The following PLEKHM3 variants were observed in gnomAD, a reference collection of about 807,000 sequenced individuals.
PLEKHM3 encodes the protein pleckstrin homology domain containing M3.
PLEKHM3 carries 45 observed loss-of-function variants against 81.8 expected under a neutral mutation model. The observed-to-expected ratio is 0.55, with a 90% confidence interval of 0.43 to 0.71. The LOEUF (loss-of-function observed/expected upper bound fraction) is 0.71, where lower values mean the gene tolerates loss of function less well. Ranked by LOEUF, PLEKHM3 falls within the 30% of genes least tolerant of loss-of-function variation. The pLI is 0.00. For missense variants in PLEKHM3, 788 were observed against 924.3 expected, an observed-to-expected ratio of 0.85 and a Z score of 1.91; for synonymous variants, 352 against 356.4, an observed-to-expected ratio of 0.99 and a Z score of 0.14.
intron 1 of PLEKHM3, among the ~76,000 whole-genome samples, chr2:208,002,531 T>C (rs1692345486): frequency 6.6e-6 from 1 of 152,170 alleles, no homozygotes; most frequent in Non-Finnish European, 1.5e-5. Flanking sequence ...TCTTACGGTT[T>C]CAGGCTCCAA....
At chr2:207,986,373 A>G (rs1354933929) in intron 2 of PLEKHM3, among the ~76,000 whole-genome samples, 2 of 152,208 alleles carry the variant, frequency 1.3e-5, no homozygotes, top group African/African-American at 4.8e-5. Context: ...TAGCAGATCT[A>G]TGACATTTCT....
At chr2:208,005,610 G>C (rs955943540) in intron 1 of PLEKHM3, among the ~76,000 whole-genome samples, 2 of 152,102 alleles carry the variant, frequency 1.3e-5, no homozygotes, top group Admixed American at 1.3e-4. Context: ...ACTTACTACT[G>C]TTCATGTTAA....
intron 1 of PLEKHM3, among the ~76,000 whole-genome samples, chr2:208,013,729 G>A (rs1455038537): frequency 6.6e-6 from 1 of 152,148 alleles, no homozygotes; most frequent in East Asian, 1.9e-4. Flanking sequence ...GCTGGGTGGT[G>A]AGGATGTCAT....
At chr2:207,908,179 T>C (rs1010318956) in intron 6 of PLEKHM3, among the ~76,000 whole-genome samples, 1 of 152,208 alleles carries the variant, frequency 6.6e-6, no homozygotes, top group Non-Finnish European at 1.5e-5. Context: ...TATGGACATA[T>C]GTTTTCAACT....
At chr2:207,941,774 C>T (rs1229733343) in intron 4 of PLEKHM3, among the ~76,000 whole-genome samples, 2 of 152,094 alleles carry the variant, frequency 1.3e-5, no homozygotes, top group Non-Finnish European at 2.9e-5. Context: ...CCAGTAGCAA[C>T]AAAAATAAAT....
intron 5 of PLEKHM3, among the ~76,000 whole-genome samples, chr2:207,921,416 C>T (rs1689179618): frequency 6.6e-6 from 1 of 151,994 alleles, no homozygotes; most frequent in Non-Finnish European, 1.5e-5. Context: ...TGATAGAGTA[C>T]AATGTACTAG....
chr2:207,877,385 C>T (rs942189558), intron 6 of PLEKHM3, among the ~76,000 whole-genome samples: 2 of 152,198 alleles, frequency 1.3e-5, no homozygotes, highest in African/African-American at 4.8e-5. Context: ...GAGCTGACGC[C>T]TATCTAGATT....
intron 4 of PLEKHM3, among the ~76,000 whole-genome samples, chr2:207,937,151 A>G (rs1689784068): frequency 6.6e-6 from 1 of 152,178 alleles, no homozygotes. Flanking sequence ...CTGAAAGTAT[A>G]CTGTATTCAA....
At position 207,843,049 on chromosome 2, in the gene PLEKHM3, C is replaced by T. The variant is rs1018503281; in HGVS notation, c.2109-14553G>A. 1.1e-4 allele frequency among the ~76,000 whole-genome samples: 17 copies of T among 152,158 alleles called. No homozygotes were observed. The highest frequency in any genetic ancestry group is 3.6e-4 in the African/African-American group (15 of 41,434). Reference sequence around the variant, plus strand: ...GCAACCTCCGCCTCCTAGGCTCAAGCGATCTTCCCTCCCACCACAGCTACC... The same window carrying T: ...GCAACCTCCGCCTCCTAGGCTCAAGTGATCTTCCCTCCCACCACAGCTACC... On this transcript the variant is annotated intron_variant, in intron 7 of 7. Coordinates refer to ENST00000427836, the MANE Select transcript of PLEKHM3 (RefSeq NM_001080475.3). The surrounding 1 kb of genome is among the most constrained non-coding windows in gnomAD (Gnocchi z 4.4).
chr2:207,997,314 T>C (rs1469145093), intron 2 of PLEKHM3, among the ~76,000 whole-genome samples: 1 of 152,016 alleles, frequency 6.6e-6, no homozygotes, highest in African/African-American at 2.4e-5. Context: ...TCATCACCAA[T>C]TGAGACAGAA....
chr2:208,007,651 C>T (rs1053441913), intron 1 of PLEKHM3, among the ~76,000 whole-genome samples: 8 of 152,192 alleles, frequency 5.3e-5, no homozygotes, highest in Admixed American at 5.2e-4. Context: ...GAGGTGGTGG[C>T]TCACACCTAT....
At chr2:207,859,722 T>C (rs150673891) in intron 7 of PLEKHM3, among the ~76,000 whole-genome samples, 2,185 of 151,922 alleles carry the variant, frequency 0.014, 50 homozygotes, top group African/African-American at 0.049. Flanking sequence ...CTCAACCTCC[T>C]GAGTAGCTGG....
intron 6 of PLEKHM3, among the ~76,000 whole-genome samples, chr2:207,905,402 G>T (rs905212947): frequency 6.6e-6 from 1 of 152,226 alleles, no homozygotes; most frequent in Non-Finnish European, 1.5e-5. Context: ...CATAAGGCTG[G>T]TGGTTGGGTC....
chr2:207,845,502 T>C (rs1216477641), intron 7 of PLEKHM3, among the ~76,000 whole-genome samples: 1 of 152,262 alleles, frequency 6.6e-6, no homozygotes, highest in Admixed American at 6.5e-5. Context: ...TGAAATTACC[T>C]GAGTAGCTTA....
Position 207,821,670 on chromosome 2 carries a change from G to GT in PLEKHM3, c.*6648dup, listed in dbSNP as rs1362386007. 6.6e-6 allele frequency: 1 copy of GT among 151,856 alleles called. No homozygotes were observed. The highest frequency in any genetic ancestry group is 1.5e-5 in the Non-Finnish European group (1 of 67,998). 9.4% of individuals were successfully genotyped at this position (151,856 alleles called of 1,614,324 possible). A position where few individuals can be genotyped will look rare whatever the true frequency, so the allele number is the denominator to read the frequency against. ...GAGCTACAGAACAAGTTTTGCAGAA[G>GT]TTTTTTACATCACCACGTTCAATAC... On this transcript the variant is annotated 3_prime_UTR_variant, in exon 8 of 8. Coordinates refer to ENST00000427836, the MANE Select transcript of PLEKHM3 (RefSeq NM_001080475.3).
intron 6 of PLEKHM3, among the ~76,000 whole-genome samples, chr2:207,875,981 A>G (rs918589753): frequency 1.3e-5 from 2 of 152,192 alleles, no homozygotes; most frequent in African/African-American, 4.8e-5. Flanking sequence ...ATGCCCAAAT[A>G]TCCACAGTAT....
chr2:207,982,870 G>T (rs917896992), intron 2 of PLEKHM3, among the ~76,000 whole-genome samples: 1 of 151,974 alleles, frequency 6.6e-6, no homozygotes, highest in Non-Finnish European at 1.5e-5. Flanking sequence ...GAGCCACCGC[G>T]CCCGGCCTGA....
chr2:208,017,993 C>A (rs1395794807), intron 1 of PLEKHM3, among the ~76,000 whole-genome samples: 1 of 152,108 alleles, frequency 6.6e-6, no homozygotes, highest in African/African-American at 2.4e-5. Context: ...TTGCCCATAA[C>A]CCTCTTATCT....
chr2:208,016,425 A>G (rs1343142864), intron 1 of PLEKHM3, among the ~76,000 whole-genome samples: 1 of 151,766 alleles, frequency 6.6e-6, no homozygotes, highest in African/African-American at 2.4e-5. Context: ...TGGCAGGTGG[A>G]TCTCCTGAGC....
Sources: gnomAD v4.1 joint callset for allele counts (sites outside exome capture counted in the v4.1 genomes callset) on GRCh38, gnomAD v4.1.1 for gene constraint, Gnocchi (gnomAD v3.1) non-coding constraint, MANE v1.5 for transcripts, NCBI Gene and HGNC (gene_info 2026-07-23, HGNC 2026-07-21) for gene names.